SRRM4: variants seen among roughly 807,000 people sequenced by gnomAD.
SRRM4 encodes the protein serine/arginine repetitive matrix protein 4.
SRRM4 carries 33 observed loss-of-function variants against 68.9 expected under a neutral mutation model. The ratio of observed to expected loss-of-function variants is 0.48; its 90% confidence interval spans 0.36 to 0.64. SRRM4 has a LOEUF of 0.64. Among genes scored for constraint, SRRM4 ranks in the 30% least tolerant of loss-of-function variants. SRRM4 has a pLI of 0.00. For synonymous variants in SRRM4, 318 were observed against 318.8 expected (o/e 1.00, Z 0.03); for missense variants, 817 against 827.1 (o/e 0.99, Z 0.15).
chr12:119,016,744 T>C (rs1953484225), intron 1 of SRRM4, among the ~76,000 whole-genome samples: 1 of 152,128 alleles, frequency 6.6e-6, no homozygotes, highest in African/African-American at 2.4e-5. Context: ...TCTTTTACTA[T>C]GTTTTGAGGG....
intron 1 of SRRM4, among the ~76,000 whole-genome samples, chr12:119,091,365 GGCCTCAGT>G (rs1338398549): frequency 6.6e-6 from 1 of 152,068 alleles, no homozygotes; most frequent in East Asian, 1.9e-4. Context: ...AGGAAGCCAA[GGCCTCAGT>G]GTAGGGGGAT....
chr12:119,066,254 C>T (rs1018021094), intron 1 of SRRM4, among the ~76,000 whole-genome samples: 1 of 152,008 alleles, frequency 6.6e-6, no homozygotes, highest in African/African-American at 2.4e-5. Flanking sequence ...TGTAATAAAC[C>T]TTGTACTTGA....
At chr12:119,125,602 C>A in intron 7 of SRRM4, 123 bp downstream of exon 7, 3 of 759,282 alleles carry the variant, frequency 4.0e-6, no homozygotes, top group South Asian at 3.8e-5. Flanking sequence ...TCAGACTCAG[C>A]AGCTGGCACC....
intron 1 of SRRM4, among the ~76,000 whole-genome samples, chr12:119,057,663 C>T (rs1476992258): frequency 6.6e-6 from 1 of 152,154 alleles, no homozygotes; most frequent in Non-Finnish European, 1.5e-5. Context: ...CATACGTGTG[C>T]ATGCATCTTT....
intron 1 of SRRM4, among the ~76,000 whole-genome samples, chr12:118,994,482 C>A (rs150756469): frequency 4.6e-5 from 7 of 152,280 alleles, no homozygotes; most frequent in South Asian, 4.1e-4. Context: ...TTCTTAAAAG[C>A]CTTTTGCCTT....
chr12:119,117,557 C>A (rs570161061), intron 4 of SRRM4, among the ~76,000 whole-genome samples: 3 of 151,790 alleles, frequency 2.0e-5, no homozygotes, highest in South Asian at 2.1e-4. Context: ...GTAGTTACAG[C>A]GCATCATGAA....
intron 2 of SRRM4, among the ~76,000 whole-genome samples, chr12:119,107,796 G>C (rs1443981427): frequency 6.6e-6 from 1 of 152,018 alleles, no homozygotes; most frequent in African/African-American, 2.4e-5. Flanking sequence ...TTTTTTGAAG[G>C]GTTTTTTGTG....
intron 1 of SRRM4, among the ~76,000 whole-genome samples, chr12:119,090,174 G>C (rs1954005242): frequency 1.3e-5 from 2 of 152,154 alleles, no homozygotes. Context: ...TCTTGGGGGA[G>C]TCACTTAATC....
chr12:119,158,157 G>A lies in SRRM4; in HGVS notation c.*1359G>A, dbSNP rs1954485948. 1 of 152,656 alleles carries A rather than the reference G, an allele frequency of 6.6e-6. No homozygotes were observed. The highest frequency in any genetic ancestry group is 2.4e-5 in the African/African-American group (1 of 41,422). 9.5% of individuals were successfully genotyped at this position (152,656 alleles called of 1,614,324 possible). A position where few individuals can be genotyped will look rare whatever the true frequency, so the allele number is the denominator to read the frequency against. ...AAGGCGCTAAGAACGGGGAGGTGAG[G>A]AATAAGATCCTTAAAATAAACTCTT... On this transcript the variant is annotated 3_prime_UTR_variant, in exon 13 of 13. Coordinates refer to ENST00000267260, the MANE Select transcript of SRRM4 (RefSeq NM_194286.4).
chr12:119,070,709 G>C (rs969397504), intron 1 of SRRM4, among the ~76,000 whole-genome samples: 2 of 152,174 alleles, frequency 1.3e-5, no homozygotes, highest in African/African-American at 4.8e-5. Context: ...AGATAGAATG[G>C]ACTAAGAAAC....
chr12:119,036,094 C>A (rs1034941549), intron 1 of SRRM4, among the ~76,000 whole-genome samples: 2 of 152,152 alleles, frequency 1.3e-5, no homozygotes, highest in African/African-American at 4.8e-5. Flanking sequence ...ATATCTTTGA[C>A]AAGGAGTTTT....
At chr12:119,063,066 C>T (rs899399436) in intron 1 of SRRM4, among the ~76,000 whole-genome samples, 1 of 152,192 alleles carries the variant, frequency 6.6e-6, no homozygotes, top group African/African-American at 2.4e-5. Context: ...AGCCATTTAA[C>T]TTCAATGGTT....
At chr12:118,982,674 TTTTTG>T (rs759284350) in intron 1 of SRRM4, among the ~76,000 whole-genome samples, 84 of 121,636 alleles carry the variant, frequency 6.9e-4, no homozygotes, top group Non-Finnish European at 1.0e-3. Context: ...ATTTTGTTTT[TTTTTG>T]TTTTTTTTTT....
chr12:119,137,060 A>G (rs1436067123), intron 8 of SRRM4, among the ~76,000 whole-genome samples: 1 of 152,120 alleles, frequency 6.6e-6, no homozygotes, highest in African/African-American at 2.4e-5. Context: ...GAAGATGAAC[A>G]ACAGAAAGGA....
At position 119,159,167 on chromosome 12, in the gene SRRM4, G is replaced by A. The variant is rs545096968; in HGVS notation, c.*2369G>A. 4 of 152,162 alleles carry A rather than the reference G, an allele frequency of 2.6e-5. No individual in the cohort carries two copies. Among genetic ancestry groups the A allele is most frequent in the Non-Finnish European group, 5.9e-5 (4 of 68,098 alleles). 9.4% of individuals were successfully genotyped at this position (152,162 alleles called of 1,614,324 possible). ...GAACACCCTGGGGTTGGCCCAGAAG[G>A]AGGCACATCAGTCCCAAAATTCATC... is the stretch of plus-strand genomic sequence containing the variant. On this transcript the variant is annotated 3_prime_UTR_variant, in exon 13 of 13. Coordinates refer to ENST00000267260, the MANE Select transcript of SRRM4 (RefSeq NM_194286.4).
chr12:118,990,639 C>T (rs1242353030), intron 1 of SRRM4, among the ~76,000 whole-genome samples: 1 of 152,184 alleles, frequency 6.6e-6, no homozygotes, highest in Non-Finnish European at 1.5e-5. Context: ...AGTTTAGTAA[C>T]TGCCATTGTT....
At chr12:119,150,262 A>G (rs556548975) in intron 9 of SRRM4, among the ~76,000 whole-genome samples, 9 of 152,344 alleles carry the variant, frequency 5.9e-5, no homozygotes, top group African/African-American at 2.2e-4. Flanking sequence ...ATTTGAGGTC[A>G]GGAGTTTGAG....
Position 119,156,742 on chromosome 12 carries a change from A to C in SRRM4, c.1780A>C (p.Arg594=), listed in dbSNP as rs1019594677. ...CAGGAGCCGGAGCCGGAGCCGGAGC[A>C]GGAGCCAGAGCCGGAGCTACAGCTC... ...RSRSRSRSRS[R]SQSRSYSSAD... is the part of the protein sequence containing the mutation. The change falls in exon 13 of 13, where the codon AGG becomes CGG. Residue 594 remains arginine, a synonymous_variant. Transcript: ENST00000267260. 1.6e-5 allele frequency: 25 copies of C among 1,545,928 alleles called. No individual in the cohort carries two copies. The highest frequency in any genetic ancestry group is 1.9e-4 in the Middle Eastern group (1 of 5,316).
chr12:119,156,808 A>T lies in SRRM4; in HGVS notation c.*10A>T. ...CAGCACGAGGCGCTAAGTGCCCCTG[A>T]GCCAGCTGCCCGTGGGGGCCCCTTC... On this transcript the variant is annotated 3_prime_UTR_variant, in exon 13 of 13. Transcript: ENST00000267260. 1 of 1,515,296 alleles carries T rather than the reference A, an allele frequency of 6.6e-7. No individual in the cohort carries two copies. The allele number at this position is 1,515,296 out of a possible 1,614,324, so 93.9% of individuals were successfully genotyped here.
Sources: gnomAD v4.1 joint callset for allele counts (sites outside exome capture counted in the v4.1 genomes callset) on GRCh38, gnomAD v4.1.1 for gene constraint, MANE v1.5 for transcripts, NCBI Gene and HGNC (gene_info 2026-07-23, HGNC 2026-07-21) for gene names.